Variants in AK8 observed in about 807,000 individuals in gnomAD.
The protein encoded by AK8 is ATP-AMP transphosphorylase 8.
In AK8, 44 loss-of-function variants were observed where a neutral mutation model predicts 54.6. The observed-to-expected ratio is 0.81, with a 90% CI of 0.63 to 1.04. The LOEUF (loss-of-function observed/expected upper bound fraction) is 1.04. Among genes scored for constraint, AK8 ranks in the 50% least tolerant of loss-of-function variants. The probability of loss-of-function intolerance (pLI) is 0.00; values close to 1 mark genes in which losing one functional copy is unlikely to be tolerated. For missense variants in AK8, 555 were observed against 613.6 expected (o/e 0.90, Z 1.01); for synonymous variants, 239 against 245.6 (o/e 0.97, Z 0.25).
Position 132,727,537 on chromosome 9 carries a change from A to G in AK8, c.1122-3T>C, listed in dbSNP as rs752668275. The stretch of plus-strand genomic sequence containing the variant: ...ATGGCACATTCAGGAAAAACACCCT[A>G]TAAGGAAATAAACCATATTAATAAT... On this transcript the variant is annotated splice_polypyrimidine_tract_variant and splice_region_variant and intron_variant, in intron 11 of 12. Coordinates refer to ENST00000298545, the MANE Select transcript of AK8 (RefSeq NM_152572.3). 2.5e-6 allele frequency: 4 copies of G among 1,612,136 alleles called. No individual in the cohort carries two copies. The Admixed American group carries it at 5.0e-5, about 20-fold the overall frequency.
chr9:132,852,613 A>G (rs1588214281), intron 5 of AK8, among the ~76,000 whole-genome samples: 1 of 151,204 alleles, frequency 6.6e-6, no homozygotes, highest in South Asian at 2.1e-4. Flanking sequence ...CCATCTCAAA[A>G]AAAAAAAAAA....
Position 132,871,574 on chromosome 9 carries a change from C to T in AK8, c.169+3541G>A, listed in dbSNP as rs150217097. 8.3e-4 allele frequency among the ~76,000 whole-genome samples: 126 copies of T among 152,356 alleles called. No homozygotes were observed. The East Asian group carries it at 0.022, about 27-fold the overall frequency. Reference sequence around the variant, plus strand: ...TCCCTGAGAGCATCCGGGCAAAAAGCTGGACTCAGCTATTCAGGAGGACAG... The same window carrying T: ...TCCCTGAGAGCATCCGGGCAAAAAGTTGGACTCAGCTATTCAGGAGGACAG... On this transcript the variant is annotated intron_variant, in intron 2 of 12. Transcript: ENST00000298545.
intron 11 of AK8, among the ~76,000 whole-genome samples, chr9:132,738,776 C>A (rs1388460899): frequency 5.0e-5 from 6 of 119,204 alleles, no homozygotes; most frequent in Non-Finnish European, 8.6e-5. Context: ...TTTTTTGAGA[C>A]AGGGTCTCAC....
chr9:132,856,413 C>G (rs1843173864), intron 4 of AK8, among the ~76,000 whole-genome samples: 3 of 152,226 alleles, frequency 2.0e-5, no homozygotes, highest in Admixed American at 1.3e-4. Context: ...CAGTAGAAAT[C>G]AGTAATGAGA....
intron 11 of AK8, among the ~76,000 whole-genome samples, chr9:132,742,049 T>C (rs1044685737): frequency 2.0e-5 from 3 of 152,246 alleles, no homozygotes; most frequent in African/African-American, 7.2e-5. Flanking sequence ...GCCTGATGTT[T>C]TCAAGGTTCA....
intron 11 of AK8, among the ~76,000 whole-genome samples, chr9:132,728,137 C>T (rs777771172): frequency 1.3e-5 from 2 of 152,196 alleles, no homozygotes; most frequent in Admixed American, 6.5e-5. Flanking sequence ...TCACCCCAGA[C>T]GAGGGTGGGC....
At chr9:132,838,881 C>T (rs960667835) in intron 5 of AK8, among the ~76,000 whole-genome samples, 4 of 152,130 alleles carry the variant, frequency 2.6e-5, no homozygotes, top group African/African-American at 9.7e-5. Context: ...CACAGTGTGA[C>T]GTGGTGTTCG....
chr9:132,755,666 T>C (rs982540179), intron 11 of AK8, among the ~76,000 whole-genome samples: 7 of 152,156 alleles, frequency 4.6e-5, no homozygotes, highest in African/African-American at 1.7e-4. Flanking sequence ...GTGGCCCCAG[T>C]AGCCGTTGCA....
intron 10 of AK8, among the ~76,000 whole-genome samples, chr9:132,797,098 G>GCCAGCA (rs1840208505): frequency 6.6e-6 from 1 of 152,102 alleles, no homozygotes; most frequent in South Asian, 2.1e-4. Context: ...GGAAACACAG[G>GCCAGCA]CTCTGCAGCC....
At chr9:132,730,102 G>C (rs969758301) in intron 11 of AK8, among the ~76,000 whole-genome samples, 6 of 152,170 alleles carry the variant, frequency 3.9e-5, no homozygotes, top group African/African-American at 1.4e-4. Context: ...GTTTCAGGAG[G>C]GGCCTATGGG....
At chr9:132,855,844 G>A (rs903867393) in intron 4 of AK8, among the ~76,000 whole-genome samples, 1 of 152,142 alleles carries the variant, frequency 6.6e-6, no homozygotes, top group Non-Finnish European at 1.5e-5. Context: ...CCAAAGAGGA[G>A]TCGCCCTCTT....
chr9:132,866,329 C>T (rs1010843594), intron 3 of AK8, among the ~76,000 whole-genome samples: 4 of 150,000 alleles, frequency 2.7e-5, no homozygotes, highest in African/African-American at 4.9e-5. Context: ...AAAGTGTGGG[C>T]GAGGTGGGCC....
chr9:132,832,771 C>T (rs540128856), intron 5 of AK8, among the ~76,000 whole-genome samples: 1 of 152,292 alleles, frequency 6.6e-6, no homozygotes, highest in African/African-American at 2.4e-5. Context: ...CCAGAGAAAG[C>T]GGGACTTCCA....
chr9:132,791,155 G>T lies in AK8; in HGVS notation c.1121+1479C>A, dbSNP rs146088128. On this transcript the variant is annotated intron_variant, in intron 11 of 12. Coordinates refer to ENST00000298545, the MANE Select transcript of AK8 (RefSeq NM_152572.3). The surrounding 1 kb of genome is among the most constrained non-coding windows in gnomAD (Gnocchi z 4.0). ...TTCACAGTTCCACATGGCTGGGGAGGCCTCAGGAAACTTACAGTCATGGCA... is the reference window on the plus strand; with the variant it reads ...TTCACAGTTCCACATGGCTGGGGAGTCCTCAGGAAACTTACAGTCATGGCA... Among the ~76,000 whole-genome samples the T allele has an allele frequency of 6.0e-3, 915 of 152,302 alleles. 6 individuals carry two copies. Among genetic ancestry groups the T allele is most frequent in the Non-Finnish European group, 0.011 (742 of 68,020 alleles).
chr9:132,783,695 T>C (rs958883421), intron 11 of AK8, among the ~76,000 whole-genome samples: 6 of 151,556 alleles, frequency 4.0e-5, no homozygotes, highest in Admixed American at 6.6e-5. Flanking sequence ...TTAAAGAGAA[T>C]GGACTCCATG....
At chr9:132,824,100 G>A in intron 8 of AK8, among the ~76,000 whole-genome samples, 1 of 152,296 alleles carries the variant, frequency 6.6e-6, no homozygotes, top group East Asian at 1.9e-4. Flanking sequence ...ATGCCAAGAA[G>A]CCACAGGGCA....
At chr9:132,848,557 C>G (rs570131495) in intron 5 of AK8, among the ~76,000 whole-genome samples, 1 of 152,200 alleles carries the variant, frequency 6.6e-6, no homozygotes, top group South Asian at 2.1e-4. Flanking sequence ...CCACTCCAGT[C>G]CCCTTCACTA....
At chr9:132,808,142 T>TAGTAC (rs1464297432) in intron 10 of AK8, among the ~76,000 whole-genome samples, 2 of 152,168 alleles carry the variant, frequency 1.3e-5, no homozygotes, top group Non-Finnish European at 2.9e-5. Flanking sequence ...ACTTGTTTTG[T>TAGTAC]ACTAGTGTAA....
chr9:132,846,728 G>A (rs1842768241), intron 5 of AK8, among the ~76,000 whole-genome samples: 1 of 152,206 alleles, frequency 6.6e-6, no homozygotes, highest in African/African-American at 2.4e-5. Flanking sequence ...TTGAGCTTCT[G>A]TCCTGGGCTG....
Sources: gnomAD v4.1 joint callset for allele counts (sites outside exome capture counted in the v4.1 genomes callset) on GRCh38, gnomAD v4.1.1 for gene constraint, Gnocchi (gnomAD v3.1) non-coding constraint, MANE v1.5 for transcripts, NCBI Gene and HGNC (gene_info 2026-07-23, HGNC 2026-07-21) for gene names.